DICER1: variants seen among roughly 807,000 people sequenced by gnomAD.
DICER1 encodes the protein endoribonuclease Dicer.
A neutral mutation model predicts 194.1 loss-of-function variants in DICER1; 43 were observed. That is an observed-to-expected ratio of 0.22 (90% CI 0.17 to 0.29). The LOEUF (loss-of-function observed/expected upper bound fraction) is 0.29. DICER1 is among the 10% of genes least tolerant of loss of function. DICER1 has a pLI of 1.00. For synonymous variants in DICER1, 832 were observed against 820.5 expected, an observed-to-expected ratio of 1.01 and a Z score of -0.24; for missense variants, 1,608 against 2,317.0, an observed-to-expected ratio of 0.69 and a Z score of 6.28.
At position 95,090,240 on chromosome 14, in the gene DICER1, G is replaced by A. The variant is rs578240601; in HGVS notation, c.*258C>T. The A allele has an allele frequency of 6.0e-5, 31 of 520,436 alleles. No homozygotes were observed. In the East Asian group the frequency reaches 1.0e-3, roughly 17 times the overall value. The allele number at this position is 520,436 out of a possible 1,614,324, so 32.2% of individuals were successfully genotyped here. A position where few individuals can be genotyped will look rare whatever the true frequency, so the allele number is the denominator to read the frequency against. On this transcript the variant is annotated 3_prime_UTR_variant, in exon 27 of 27. Coordinates refer to ENST00000343455, the MANE Select transcript of DICER1 (RefSeq NM_177438.3). ...TAAATGTCATCATTAAAGCACTCTT[G>A]TGATTTAAACAAAGCAGAAGTGAGG...
At chr14:95,155,786 G>T (rs990451713) in intron 1 of DICER1, among the ~76,000 whole-genome samples, 1 of 152,184 alleles carries the variant, frequency 6.6e-6, no homozygotes, top group African/African-American at 2.4e-5. Context: ...TGTTTATAGT[G>T]ACCATGTTAA....
At chr14:95,098,812 T>C (rs796156988) in intron 22 of DICER1, among the ~76,000 whole-genome samples, 14 of 152,356 alleles carry the variant, frequency 9.2e-5, no homozygotes, top group African/African-American at 3.4e-4. Flanking sequence ...AAATAAGTTC[T>C]AATTCTGTAA....
chr14:95,111,241 G>C (rs555308936), intron 14 of DICER1, 76 bp downstream of exon 14: 2 of 1,575,636 alleles, frequency 1.3e-6, no homozygotes, highest in Non-Finnish European at 1.7e-6. Flanking sequence ...CAGCCAAGCA[G>C]AGGAACTGAG....
At chr14:95,154,239 T>C (rs945491806) in intron 1 of DICER1, among the ~76,000 whole-genome samples, 4 of 151,632 alleles carry the variant, frequency 2.6e-5, no homozygotes, top group Non-Finnish European at 1.5e-5. Flanking sequence ...GACAGAGGAG[T>C]TGTTTGTAGG....
intron 1 of DICER1, chr14:95,140,728 T>C (rs1894777946): frequency 6.6e-6 from 1 of 152,224 alleles, no homozygotes; most frequent in Non-Finnish European, 1.5e-5. Flanking sequence ...TAGCAGTTTA[T>C]TGGAAAATCA....
rs1262516728 is a variant in DICER1 at position 95,104,126 on chromosome 14, T to C, written c.3270A>G (p.Arg1090=). Reference sequence around the variant, plus strand: ...TCCACCCGAAGTCTAAGTTAGGGTATCTGCAAAGACATTTTTATAACTTTA... The same window carrying C: ...TCCACCCGAAGTCTAAGTTAGGGTACCTGCAAAGACATTTTTATAACTTTA... ...VGVRSLPADF[R]YPNLDFGWKK... Residue 1090 remains arginine (R), a splice_region_variant and synonymous_variant, in exon 21 of 27, where the codon AGA becomes AGG. Transcript: ENST00000343455. The C allele has an allele frequency of 1.9e-6, 3 of 1,610,252 alleles. No individual in the cohort carries two copies. Among genetic ancestry groups the C allele is most frequent in the Non-Finnish European group, 2.5e-6 (3 of 1,178,568 alleles).
At chr14:95,154,254 T>C (rs1406968529) in intron 1 of DICER1, among the ~76,000 whole-genome samples, 1 of 152,214 alleles carries the variant, frequency 6.6e-6, no homozygotes, top group Non-Finnish European at 1.5e-5. Flanking sequence ...TGTAGGAAAT[T>C]ATCACTGCTT....
intron 1 of DICER1, chr14:95,137,976 C>A (rs1251307924): frequency 6.5e-6 from 1 of 154,712 alleles, no homozygotes. Flanking sequence ...AGAAAACAGG[C>A]AGGGCAGGGA....
chr14:95,101,519 C>A (rs933328325), intron 21 of DICER1, among the ~76,000 whole-genome samples: 1 of 152,196 alleles, frequency 6.6e-6, no homozygotes, highest in African/African-American at 2.4e-5. Flanking sequence ...GTATCTGAAT[C>A]CTACAGCCTC....
Position 95,117,683 on chromosome 14 carries a change from C to T in DICER1, c.1448G>A (p.Gly483Asp). The T allele has an allele frequency of 6.2e-7, 1 of 1,613,966 alleles. No homozygotes were observed. The highest frequency in any genetic ancestry group is 1.1e-5 in the South Asian group (1 of 91,086). ...GTTGCGAGGCTGATTCTTCCCAATG[C>T]CATGTCCAGTTATGAAATTGCTACT... Reference protein sequence around the residue: ...YISSNFITGHGIGKNQPRNKQ... With the variant: ...YISSNFITGHDIGKNQPRNKQ... The change falls in exon 9 of 27, where the codon GGC becomes GAC. Residue 483 changes from glycine (G) to aspartate (D), a missense_variant. Gly to Asp is a moderately conservative substitution (Grantham distance 94, BLOSUM62 -1). Transcript: ENST00000343455.
chr14:95,130,245 A>G (rs1893842273), intron 4 of DICER1, 53 bp from the exon 5 acceptor site: 2 of 1,561,784 alleles, frequency 1.3e-6, no homozygotes, highest in Admixed American at 3.4e-5. Context: ...GCCTGGATAT[A>G]CTTACATAAA....
intron 12 of DICER1, 21 bp downstream of exon 12, chr14:95,113,071 C>CA: frequency 6.2e-7 from 1 of 1,611,486 alleles, no homozygotes; most frequent in Non-Finnish European, 8.5e-7. Flanking sequence ...AGATAACAAT[C>CA]ATTTCTTCTT....
chr14:95,139,970 G>C (rs988673977), intron 1 of DICER1, among the ~76,000 whole-genome samples: 1 of 152,090 alleles, frequency 6.6e-6, no homozygotes, highest in East Asian at 1.9e-4. Flanking sequence ...TATAAAAACA[G>C]GAAAACCTAT....
chr14:95,140,561 T>TC, intron 1 of DICER1: 1 of 152,314 alleles, frequency 6.6e-6, no homozygotes, highest in African/African-American at 2.4e-5. Flanking sequence ...TCAGAAGATA[T>TC]CCAGTCATTA....
rs761610801 is a variant in DICER1 at position 95,146,334 on chromosome 14, C to G, written c.-46+10896G>C. ...CTATCTTACATATACCTACACTTCC[C>G]TAATTGGTTTCTTACACTGTCAAGC... On this transcript the variant is annotated intron_variant, in intron 1 of 26. Coordinates refer to ENST00000343455, the MANE Select transcript of DICER1 (RefSeq NM_177438.3). Among the ~76,000 whole-genome samples the G allele has an allele frequency of 6.2e-4, 95 of 152,312 alleles. 1 individual carries two copies. The highest frequency in any genetic ancestry group is 1.3e-3 in the Non-Finnish European group (87 of 68,038).
At chr14:95,091,132 A>G (rs1889772235) in intron 25 of DICER1, 23 bp from the exon 26 acceptor site, 1 of 1,613,764 alleles carries the variant, frequency 6.2e-7, no homozygotes, top group South Asian at 1.1e-5. Flanking sequence ...TGAAAGAATA[A>G]TATGAATAAT....
intron 8 of DICER1, among the ~76,000 whole-genome samples, chr14:95,123,593 T>C (rs1200785093): frequency 3.9e-5 from 6 of 152,306 alleles, no homozygotes; most frequent in African/African-American, 1.4e-4. Flanking sequence ...CTAATTTTTG[T>C]ATTTTTTCTA....
At chr14:95,115,913 A>G in intron 10 of DICER1, 92 bp from the exon 11 acceptor site, 1 of 1,280,630 alleles carries the variant, frequency 7.8e-7, no homozygotes, top group Admixed American at 1.8e-5. Context: ...ACTCTCCTGA[A>G]AATATCTCTC....
At chr14:95,090,715 T>C (rs779175513) in intron 26 of DICER1, 52 bp from the exon 27 acceptor site, 15 of 1,602,508 alleles carry the variant, frequency 9.4e-6, no homozygotes, top group East Asian at 2.2e-5. Context: ...TTTATTATCA[T>C]TGTCAATCAG....
Sources: gnomAD v4.1 joint callset for allele counts (sites outside exome capture counted in the v4.1 genomes callset) on GRCh38, gnomAD v4.1.1 for gene constraint, MANE v1.5 for transcripts, NCBI Gene and HGNC (gene_info 2026-07-23, HGNC 2026-07-21) for gene names.